The following SPON1 variants were observed in gnomAD, a reference collection of about 807,000 sequenced individuals.
SPON1 encodes spondin 1.
SPON1 carries 52 observed loss-of-function variants against 111.7 expected under a neutral mutation model. That is an observed-to-expected ratio of 0.47 (90% CI 0.37 to 0.59). The LOEUF is 0.59. SPON1 is among the 20% of genes least tolerant of loss of function. SPON1 has a pLI of 0.00. For missense variants in SPON1, 957 were observed against 1,068.5 expected (o/e 0.90, Z 1.46); for synonymous variants, 410 against 395.8 (o/e 1.04, Z -0.43).
At chr11:14,216,359 A>G (rs1197445542) in intron 6 of SPON1, among the ~76,000 whole-genome samples, 1 of 152,202 alleles carries the variant, frequency 6.6e-6, no homozygotes, top group African/African-American at 2.4e-5. Flanking sequence ...GCTATTCACA[A>G]AACAGAAGCA....
intron 5 of SPON1, among the ~76,000 whole-genome samples, chr11:14,097,792 T>A (rs1480338788): frequency 6.6e-6 from 1 of 151,868 alleles, no homozygotes; most frequent in Non-Finnish European, 1.5e-5. Flanking sequence ...AAAAGATAAA[T>A]AAACAAAATA....
At chr11:14,030,130 TAG>T (rs1848547442) in intron 2 of SPON1, among the ~76,000 whole-genome samples, 1 of 152,204 alleles carries the variant, frequency 6.6e-6, no homozygotes, top group East Asian at 1.9e-4. Context: ...CTCAGGTTAA[TAG>T]AGTGAGCAGT....
At chr11:14,032,181 A>T (rs1848563992) in intron 2 of SPON1, among the ~76,000 whole-genome samples, 1 of 152,192 alleles carries the variant, frequency 6.6e-6, no homozygotes, top group South Asian at 2.1e-4. Context: ...ATAACATGGG[A>T]AGCATACTTT....
At chr11:14,224,598 T>G (rs1848716717) in intron 6 of SPON1, among the ~76,000 whole-genome samples, 1 of 152,170 alleles carries the variant, frequency 6.6e-6, no homozygotes, top group African/African-American at 2.4e-5. Flanking sequence ...AAACCCCACC[T>G]TAAAGGACTG....
chr11:14,029,149 A>C (rs761950309), intron 2 of SPON1, among the ~76,000 whole-genome samples: 5 of 151,606 alleles, frequency 3.3e-5, no homozygotes, highest in African/African-American at 1.2e-4. Context: ...ACACACAAGC[A>C]TGTGTGTGCC....
Position 14,266,789 on chromosome 11 carries a change from T to G in SPON1, c.*1102T>G, listed in dbSNP as rs1368888602. The G allele has an allele frequency of 6.6e-6, 1 of 152,086 alleles. No individual in the cohort carries two copies. The highest frequency in any genetic ancestry group is 2.4e-5 in the African/African-American group (1 of 41,424). The allele number at this position is 152,086 out of a possible 1,614,324, so 9.4% of individuals were successfully genotyped here. ...CTAAGGGAAAGGAATATTATGGGAT[T>G]AAGCTGAGCAAGCAATTCTGGTGGA... On this transcript the variant is annotated 3_prime_UTR_variant, in exon 16 of 16. Coordinates refer to ENST00000576479, the MANE Select transcript of SPON1 (RefSeq NM_006108.4).
intron 3 of SPON1, among the ~76,000 whole-genome samples, chr11:14,042,155 G>T (rs376542732): frequency 6.6e-6 from 1 of 152,054 alleles, no homozygotes; most frequent in Non-Finnish European, 1.5e-5. Context: ...CCTCCTTTCA[G>T]TGAGTTATAA....
chr11:14,232,224 G>T (rs190447671), intron 6 of SPON1, among the ~76,000 whole-genome samples: 8 of 151,288 alleles, frequency 5.3e-5, no homozygotes, highest in South Asian at 2.1e-4. Flanking sequence ...CACCCTTCCC[G>T]GCTATATTTT....
At chr11:13,992,192 G>A (rs1848236380) in intron 2 of SPON1, among the ~76,000 whole-genome samples, 1 of 152,222 alleles carries the variant, frequency 6.6e-6, no homozygotes, top group Non-Finnish European at 1.5e-5. Flanking sequence ...TCTGTCCCAG[G>A]AAGATGGGGT....
intron 6 of SPON1, among the ~76,000 whole-genome samples, chr11:14,224,957 T>C (rs904590943): frequency 6.6e-6 from 1 of 152,166 alleles, no homozygotes; most frequent in Non-Finnish European, 1.5e-5. Flanking sequence ...TGGAGGCTCT[T>C]GCACTAATGT....
intron 5 of SPON1, among the ~76,000 whole-genome samples, chr11:14,132,595 C>T (rs1847540707): frequency 6.6e-6 from 1 of 152,138 alleles, no homozygotes; most frequent in African/African-American, 2.4e-5. Flanking sequence ...CTGTGAGTCC[C>T]TTCAGGGCAA....
At chr11:14,071,834 C>T (rs990165338) in intron 3 of SPON1, among the ~76,000 whole-genome samples, 2 of 152,042 alleles carry the variant, frequency 1.3e-5, no homozygotes, top group Non-Finnish European at 2.9e-5. Flanking sequence ...GCCTCAGTCT[C>T]CCAAGCAGCA....
In SPON1 at chr11:14,135,149, C is replaced by T; in HGVS notation, c.677-271C>T. ...GCCTTTAACGTTCTCTCAACTATCC[C>T]CTTCTCTGAGACCTTCCTAGACAGA... is the stretch of plus-strand genomic sequence containing the variant. On this transcript the variant is annotated intron_variant, in intron 5 of 15. Coordinates refer to ENST00000576479, the MANE Select transcript of SPON1 (RefSeq NM_006108.4). The surrounding 1 kb of genome is among the most constrained non-coding windows in gnomAD (Gnocchi z 4.4). The T allele has an allele frequency of 3.2e-6, 1 of 314,316 alleles. No individual in the cohort carries two copies. The highest frequency in any genetic ancestry group is 5.1e-5 in the East Asian group (1 of 19,708). 19.5% of individuals were successfully genotyped at this position (314,316 alleles called of 1,614,324 possible).
intron 6 of SPON1, among the ~76,000 whole-genome samples, chr11:14,139,728 A>ATATATATATAT (rs1564913661): frequency 6.6e-6 from 1 of 151,118 alleles, no homozygotes; most frequent in African/African-American, 2.4e-5. Context: ...ATATATATTT[A>ATATATATATAT]AGTGAAAAGA....
intron 1 of SPON1, among the ~76,000 whole-genome samples, chr11:13,981,091 C>T (rs75876722): frequency 0.09 from 13,629 of 152,228 alleles, 743 homozygotes; most frequent in South Asian, 0.18. Flanking sequence ...TTGAATTGAA[C>T]ATCTATTAGA....
chr11:14,034,343 T>G (rs1848579394), intron 2 of SPON1, among the ~76,000 whole-genome samples: 1 of 151,232 alleles, frequency 6.6e-6, no homozygotes, highest in African/African-American at 2.4e-5. Flanking sequence ...TGACTGCCAT[T>G]TAGTTGGTAG....
intron 6 of SPON1, among the ~76,000 whole-genome samples, chr11:14,223,438 C>T (rs546522163): frequency 1.2e-4 from 19 of 152,184 alleles, no homozygotes; most frequent in South Asian, 4.1e-4. Flanking sequence ...CACCAAAATA[C>T]GATGCAATAA....
intron 2 of SPON1, among the ~76,000 whole-genome samples, chr11:14,007,432 A>T (rs2133796190): frequency 6.6e-6 from 1 of 152,272 alleles, no homozygotes; most frequent in East Asian, 1.9e-4. Flanking sequence ...TGGGAGAAAG[A>T]TGTAGTCTGG....
At chr11:13,971,424 A>G (rs1254956451) in intron 1 of SPON1, among the ~76,000 whole-genome samples, 1 of 152,176 alleles carries the variant, frequency 6.6e-6, no homozygotes, top group East Asian at 1.9e-4. Context: ...TCAAACCTAG[A>G]CATCAATTAT....
Sources: allele counts gnomAD v4.1 joint callset (sites outside exome capture counted in the v4.1 genomes callset), GRCh38; gene constraint gnomAD v4.1.1; non-coding constraint Gnocchi (gnomAD v3.1); transcripts MANE v1.5; gene names NCBI Gene and HGNC (gene_info 2026-07-23, HGNC 2026-07-21).